The following FBXL13 variants were observed in gnomAD, a reference collection of about 807,000 sequenced individuals.
The protein encoded by FBXL13 is F-box and leucine-rich repeat protein 13.
A neutral mutation model predicts 83.6 loss-of-function variants in FBXL13; 67 were observed. The observed-to-expected ratio is 0.80, with a 90% CI of 0.66 to 0.98. The LOEUF is 0.98. FBXL13 is among the 50% of genes least tolerant of loss of function. The pLI is 0.00. For synonymous variants in FBXL13, 272 were observed against 299.5 expected (o/e 0.91, Z 0.95); for missense variants, 822 against 866.5 (o/e 0.95, Z 0.64).
At chr7:102,822,612 G>A (rs1427176570) in intron 18 of FBXL13, among the ~76,000 whole-genome samples, 1 of 152,142 alleles carries the variant, frequency 6.6e-6, no homozygotes, top group Non-Finnish European at 1.5e-5. Context: ...ATAATTTTTG[G>A]AGGACAAACA....
intron 19 of FBXL13, among the ~76,000 whole-genome samples, chr7:102,814,117 A>C (rs1276402288): frequency 6.6e-6 from 1 of 152,218 alleles, no homozygotes; most frequent in Non-Finnish European, 1.5e-5. Context: ...GGAAACAAGA[A>C]AGTAAAGAAT....
chr7:102,862,771 A>G (rs2129453295), intron 16 of FBXL13, among the ~76,000 whole-genome samples: 1 of 152,326 alleles, frequency 6.6e-6, no homozygotes, highest in Non-Finnish European at 1.5e-5. Flanking sequence ...GCTTTTTGAA[A>G]TAGCATCTTC....
chr7:102,986,918 T>TACACACACACACACAC, intron 6 of FBXL13, among the ~76,000 whole-genome samples: 1 of 148,402 alleles, frequency 6.7e-6, no homozygotes, highest in East Asian at 2.0e-4. Context: ...GAAAATGTGA[T>TACACACACACACACAC]ACACACACAC....
exon 12 of FBXL13, chr7:102,884,265 A>G: frequency 6.2e-7 from 1 of 1,613,844 alleles, no homozygotes; most frequent in Non-Finnish European, 8.5e-7. Flanking sequence ...TAAGATGCAT[A>G]ATTCCAGTGC....
chr7:102,944,708 G>GAAGC, intron 8 of FBXL13: 1 of 1,047,996 alleles, frequency 9.5e-7, no homozygotes, highest in Admixed American at 2.8e-5. Flanking sequence ...TTTATGCAGG[G>GAAGC]TAATCCAGCT....
chr7:102,860,112 C>G (rs1417317772), intron 16 of FBXL13, among the ~76,000 whole-genome samples: 2 of 152,172 alleles, frequency 1.3e-5, no homozygotes, highest in Admixed American at 6.5e-5. Context: ...GTCACAAGAA[C>G]CTCGTACATT....
intron 1 of FBXL13, among the ~76,000 whole-genome samples, chr7:103,067,323 T>C (rs776879451): frequency 2.0e-5 from 3 of 152,132 alleles, no homozygotes; most frequent in Non-Finnish European, 2.9e-5. Flanking sequence ...AAGGAGATAA[T>C]CGTATTTGAA....
At chr7:102,884,434 G>T in intron 11 of FBXL13, 122 bp from the exon 13 acceptor site, 1 of 684,192 alleles carries the variant, frequency 1.5e-6, no homozygotes. Flanking sequence ...CATAAAATGT[G>T]GCAGACACAA....
intron 6 of FBXL13, among the ~76,000 whole-genome samples, chr7:102,983,934 T>C (rs1828609610): frequency 6.6e-6 from 1 of 152,320 alleles, no homozygotes; most frequent in South Asian, 2.1e-4. Flanking sequence ...AGCTGGAAAT[T>C]TGAATTCCTG....
chr7:103,023,603 C>A (rs1441910609), intron 6 of FBXL13, among the ~76,000 whole-genome samples: 2 of 152,094 alleles, frequency 1.3e-5, no homozygotes, highest in African/African-American at 4.8e-5. Context: ...GCCATTCAAC[C>A]CAACAATCCC....
chr7:103,050,512 C>T (rs536938752), intron 2 of FBXL13, among the ~76,000 whole-genome samples: 4 of 152,340 alleles, frequency 2.6e-5, no homozygotes, highest in African/African-American at 9.6e-5. Context: ...AATTTGCCTT[C>T]AGATGGCCCC....
intron 16 of FBXL13, among the ~76,000 whole-genome samples, chr7:102,867,980 G>T (rs1176813767): frequency 6.6e-6 from 1 of 151,766 alleles, no homozygotes; most frequent in Non-Finnish European, 1.5e-5. Flanking sequence ...GGGATTACAG[G>T]CGTGAGCCAC....
chr7:103,051,006 T>C (rs2129495056), intron 2 of FBXL13, among the ~76,000 whole-genome samples: 1 of 151,758 alleles, frequency 6.6e-6, no homozygotes, highest in Non-Finnish European at 1.5e-5. Flanking sequence ...CCACTGTAAG[T>C]TACCTTTAGT....
intron 2 of FBXL13, among the ~76,000 whole-genome samples, chr7:103,049,263 C>G (rs1451556147): frequency 2.0e-5 from 3 of 152,174 alleles, no homozygotes; most frequent in Non-Finnish European, 2.9e-5. Context: ...CAACAATTTT[C>G]AAAGGTCAAA....
chr7:102,830,030 C>T (rs370761888), intron 18 of FBXL13, among the ~76,000 whole-genome samples: 1 of 152,108 alleles, frequency 6.6e-6, no homozygotes. Context: ...TTTGTATCAG[C>T]GTTCTAAAAT....
At chr7:102,873,638 T>C (rs1331713795) in intron 16 of FBXL13, among the ~76,000 whole-genome samples, 1 of 152,234 alleles carries the variant, frequency 6.6e-6, no homozygotes, top group African/African-American at 2.4e-5. Context: ...TAACTGACAA[T>C]ACTGAATGTC....
chr7:102,912,351 C>T (rs1375822083), intron 11 of FBXL13, among the ~76,000 whole-genome samples: 2 of 152,088 alleles, frequency 1.3e-5, no homozygotes, highest in African/African-American at 2.4e-5. Flanking sequence ...GAATAATGAA[C>T]ATACTATGAC....
At chr7:102,960,457 A>C (rs1825002795) in intron 8 of FBXL13, among the ~76,000 whole-genome samples, 1 of 152,086 alleles carries the variant, frequency 6.6e-6, no homozygotes, top group Non-Finnish European at 1.5e-5. Context: ...CAATAGAAAA[A>C]GAGGGAATCC....
chr7:102,970,297 T>C (rs1585183327), intron 6 of FBXL13, among the ~76,000 whole-genome samples: 1 of 152,126 alleles, frequency 6.6e-6, no homozygotes, highest in Non-Finnish European at 1.5e-5. Flanking sequence ...GTAACCATAT[T>C]GACCATTTTT....
Sources: gnomAD v4.1 joint callset for allele counts (sites outside exome capture counted in the v4.1 genomes callset) on GRCh38, gnomAD v4.1.1 for gene constraint, MANE v1.5 for transcripts, NCBI Gene and HGNC (gene_info 2026-07-23, HGNC 2026-07-21) for gene names.